The following ALPK1 variants were observed in gnomAD, a reference collection of about 807,000 sequenced individuals.
ALPK1 encodes the protein alpha kinase 1, also known as alpha-protein kinase 1.
Under a neutral mutation model 120.6 loss-of-function variants are expected in ALPK1, and 110 were observed. The ratio of observed to expected loss-of-function variants is 0.91; its 90% CI spans 0.78 to 1.07. ALPK1 has a LOEUF of 1.07. Ranked by LOEUF, ALPK1 falls within the 50% of genes least tolerant of loss-of-function variation. The pLI is 0.00. For synonymous variants in ALPK1, 582 were observed against 560.3 expected, an observed-to-expected ratio of 1.04 and a Z score of -0.55; for missense variants, 1,498 against 1,483.9, an observed-to-expected ratio of 1.01 and a Z score of -0.16.
intron 4 of ALPK1, among the ~76,000 whole-genome samples, chr4:112,403,483 T>C (rs745840331): frequency 2.3e-4 from 35 of 152,160 alleles, no homozygotes; most frequent in Non-Finnish European, 4.3e-4. Context: ...TTTGCATCGT[T>C]AGGTCTTGGA....
chr4:112,357,774 G>A (rs916542868), intron 2 of ALPK1: 5 of 1,078,960 alleles, frequency 4.6e-6, no homozygotes, highest in Non-Finnish European at 7.2e-6. Flanking sequence ...CCCGCATGGT[G>A]CCCTATGGGC....
chr4:112,428,972 A>G (rs1337979444), intron 9 of ALPK1, among the ~76,000 whole-genome samples, 177 bp from the exon 10 acceptor site: 3 of 152,262 alleles, frequency 2.0e-5, no homozygotes, highest in East Asian at 3.8e-4. Context: ...GGGAAAAAGG[A>G]AAGTCAACAC....
intron 4 of ALPK1, among the ~76,000 whole-genome samples, chr4:112,408,289 G>C (rs1294422068): frequency 6.6e-6 from 1 of 152,150 alleles, no homozygotes; most frequent in Non-Finnish European, 1.5e-5. Context: ...GTCAGTGGCA[G>C]AAACTTCAAG....
chr4:112,399,235 A>G (rs1265536050), intron 4 of ALPK1, among the ~76,000 whole-genome samples: 1 of 152,348 alleles, frequency 6.6e-6, no homozygotes, highest in East Asian at 1.9e-4. Flanking sequence ...GGAAAGAAGC[A>G]TGATCCAGCA....
chr4:112,431,354 G>C lies in ALPK1; in HGVS notation c.1807G>C (p.Asp603His). 6.2e-7 allele frequency: 1 copy of C among 1,614,206 alleles called. No individual in the cohort carries two copies. Among genetic ancestry groups the C allele is most frequent in the Non-Finnish European group, 8.5e-7 (1 of 1,180,044 alleles). Residue 603 changes from aspartate (D) to histidine (H), a missense_variant, in exon 11 of 16, where the codon GAC (aspartate) becomes CAC (histidine). Coordinates refer to ENST00000650871, the MANE Select transcript of ALPK1 (RefSeq NM_025144.4). Reference sequence around the variant, plus strand: ...CTGGGAGGAAGTGAATTATCACGTTGACGACAGGTCAGCCAGAAAAGAGCC... The same window carrying C: ...CTGGGAGGAAGTGAATTATCACGTTCACGACAGGTCAGCCAGAAAAGAGCC... ...ASWEEVNYHV[D>H]DRSARKEPGK...
intron 5 of ALPK1, chr4:112,412,512 T>C: frequency 2.2e-6 from 1 of 452,646 alleles, no homozygotes; most frequent in South Asian, 1.6e-5. Context: ...CAGTACCTGA[T>C]TAGGTCTTAA....
intron 5 of ALPK1, among the ~76,000 whole-genome samples, chr4:112,418,726 AAG>A (rs1463088062): frequency 3.2e-5 from 4 of 125,294 alleles, no homozygotes; most frequent in Admixed American, 2.5e-4. Flanking sequence ...TTGGAACTGA[AAG>A]ATGATAAGTT....
chr4:112,399,223 T>G (rs534991624), intron 4 of ALPK1, among the ~76,000 whole-genome samples: 4 of 152,224 alleles, frequency 2.6e-5, no homozygotes, highest in African/African-American at 9.6e-5. Flanking sequence ...GTTCAGAGTT[T>G]GGGAAAGAAG....
rs1311269313 is a variant in ALPK1, at chr4:112,385,474, T to A, written c.276+2922T>A. Among the ~76,000 whole-genome samples, 5 of 152,324 alleles carry A rather than the reference T, an allele frequency of 3.3e-5. No individual in the cohort carries two copies. The East Asian group carries it at 9.6e-4, about 29-fold the overall frequency. ...TAATGTATTTAATCTGGCAGCTTTTTGAACTCTGAGCATCATTTTCTTTAG... is the reference window on the plus strand; with the variant it reads ...TAATGTATTTAATCTGGCAGCTTTTAGAACTCTGAGCATCATTTTCTTTAG... On this transcript the variant is annotated intron_variant, in intron 4 of 15. Transcript: ENST00000650871.
intron 4 of ALPK1, among the ~76,000 whole-genome samples, chr4:112,389,838 C>A (rs1732325522): frequency 6.6e-6 from 1 of 152,228 alleles, no homozygotes; most frequent in Non-Finnish European, 1.5e-5. Context: ...AAGCTGGGAA[C>A]TTCAAGGTCA....
intron 2 of ALPK1, among the ~76,000 whole-genome samples, chr4:112,318,485 A>G (rs1728729809): frequency 6.6e-6 from 1 of 152,228 alleles, no homozygotes; most frequent in Non-Finnish European, 1.5e-5. Context: ...TGAAGCTCAT[A>G]TCCTTTTCAC....
intron 5 of ALPK1, among the ~76,000 whole-genome samples, chr4:112,412,833 T>C (rs1733550377): frequency 6.6e-6 from 1 of 152,260 alleles, no homozygotes; most frequent in Non-Finnish European, 1.5e-5. Context: ...TTAATAACTC[T>C]GGTCTTTAAG....
At chr4:112,360,453 T>G (rs949601910) in intron 2 of ALPK1, among the ~76,000 whole-genome samples, 21 of 152,202 alleles carry the variant, frequency 1.4e-4, no homozygotes, top group East Asian at 3.8e-4. Flanking sequence ...CAATGTTTTT[T>G]TGTGTGTGTA....
intron 1 of ALPK1, among the ~76,000 whole-genome samples, chr4:112,307,933 G>T (rs1438426144): frequency 6.6e-6 from 1 of 152,028 alleles, no homozygotes; most frequent in Non-Finnish European, 1.5e-5. Context: ...GCTCTTTTAG[G>T]GAAGGCCTGG....
At chr4:112,346,406 T>G (rs1220166779) in intron 2 of ALPK1, among the ~76,000 whole-genome samples, 3 of 152,190 alleles carry the variant, frequency 2.0e-5, no homozygotes, top group Non-Finnish European at 4.4e-5. Context: ...GTTGACACGT[T>G]TTGTGATATG....
chr4:112,413,750 G>A (rs1288979032), intron 5 of ALPK1, among the ~76,000 whole-genome samples: 1 of 152,008 alleles, frequency 6.6e-6, no homozygotes, highest in East Asian at 1.9e-4. Context: ...GTTTTGGGAG[G>A]GTTTTTTAAA....
At chr4:112,393,966 A>AT (rs2148736375) in intron 4 of ALPK1, among the ~76,000 whole-genome samples, 1 of 152,218 alleles carries the variant, frequency 6.6e-6, no homozygotes, top group Admixed American at 6.5e-5. Flanking sequence ...TATAATTCGT[A>AT]TTGAGTACAA....
chr4:112,373,282 C>G (rs1731499189), intron 2 of ALPK1, among the ~76,000 whole-genome samples: 1 of 152,182 alleles, frequency 6.6e-6, no homozygotes, highest in Non-Finnish European at 1.5e-5. Flanking sequence ...CACTGCGGTA[C>G]TCAGAAGGAA....
At chr4:112,355,854 G>A (rs577046835) in intron 2 of ALPK1, among the ~76,000 whole-genome samples, 7 of 152,350 alleles carry the variant, frequency 4.6e-5, no homozygotes, top group East Asian at 1.9e-4. Flanking sequence ...CTCAGTCCGC[G>A]AAGTCTGAAC....
Sources: allele counts gnomAD v4.1 joint callset (sites outside exome capture counted in the v4.1 genomes callset), GRCh38; gene constraint gnomAD v4.1.1; transcripts MANE v1.5; gene names NCBI Gene and HGNC (gene_info 2026-07-23, HGNC 2026-07-21).